PDPR: variants seen among roughly 807,000 people sequenced by gnomAD.
PDPR encodes the protein pyruvate dehydrogenase phosphatase regulatory subunit.
In PDPR, 50 loss-of-function variants were observed where a neutral mutation model predicts 102.2. The observed-to-expected ratio is 0.49, with a 90% CI of 0.39 to 0.62. The LOEUF (loss-of-function observed/expected upper bound fraction) is 0.62, where lower values mean the gene tolerates loss of function less well. PDPR is among the 20% of genes least tolerant of loss of function. PDPR has a pLI of 0.00. For missense variants in PDPR, 625 were observed against 1,098.2 expected (o/e 0.57, Z 6.09); for synonymous variants, 259 against 406.0 (o/e 0.64, Z 4.35).
Position 70,120,456 on chromosome 16 carries a change from T to C in PDPR, c.-32-5T>C. The C allele has an allele frequency of 6.6e-7, 1 of 1,517,458 alleles. No homozygotes were observed. Among genetic ancestry groups the C allele is most frequent in the Non-Finnish European group, 9.1e-7 (1 of 1,095,320 alleles). 94.0% of individuals were successfully genotyped at this position (1,517,458 alleles called of 1,614,324 possible). On this transcript the variant is annotated splice_region_variant and splice_polypyrimidine_tract_variant and intron_variant, in intron 2 of 18. Coordinates refer to ENST00000288050, the MANE Select transcript of PDPR (RefSeq NM_017990.5). ...GCATGAAATATGTTTGGTTTCTCTG[T>C]CTAGTTTGAGTTCCTGAGATCTAGT...
rs1340326522 is a variant in PDPR, at chr16:70,131,770, C to T, written c.847+351C>T. ...ATAGACTTAGGTGGGTTCGTGGTTC[C>T]AAGCACTGTAGGAGAGGGTTCTCAC... On this transcript the variant is annotated intron_variant, in intron 8 of 18. Coordinates refer to ENST00000288050, the MANE Select transcript of PDPR (RefSeq NM_017990.5). 1.3e-5 allele frequency: 13 copies of T among 985,310 alleles called. No individual in the cohort carries two copies. The South Asian group carries it at 5.6e-4, about 43-fold the overall frequency. The allele number at this position is 985,310 out of a possible 1,614,324, so 61.0% of individuals were successfully genotyped here.
Position 70,156,692 on chromosome 16 carries a change from A to G in PDPR, c.2453A>G (p.His818Arg). 8.1e-6 allele frequency: 13 copies of G among 1,614,102 alleles called. No homozygotes were observed. The highest frequency in any genetic ancestry group is 9.3e-6 in the Non-Finnish European group (11 of 1,179,910). The part of the protein sequence containing the change: ...LERHVCLGFV[H>R]NFSEDTGEEQ... ...CGCCACGTTTGCCTGGGCTTTGTGC[A>G]CAATTTTTCTGAGGACACGGGGGAA... Residue 818 changes from histidine to arginine, a missense_variant, in exon 19 of 19, where the codon CAC becomes CGC. This residue lies in a region of PDPR where 303 missense variants were observed against 258.9 expected (regional missense o/e 1.17). Coordinates refer to ENST00000288050, the MANE Select transcript of PDPR (RefSeq NM_017990.5).
At position 70,157,101 on chromosome 16, in the gene PDPR, T is replaced by G; in HGVS notation, c.*222T>G. On this transcript the variant is annotated 3_prime_UTR_variant, in exon 19 of 19. Coordinates refer to ENST00000288050, the MANE Select transcript of PDPR (RefSeq NM_017990.5). ...TCCTAATATTCACTCTGGGCTCTTC[T>G]TCCCTTCCCACCCCTCACTCAGCTT... 4 of 727,834 alleles carry G rather than the reference T, an allele frequency of 5.5e-6. No homozygotes were observed. The highest frequency in any genetic ancestry group is 9.6e-6 in the Non-Finnish European group (4 of 414,960). The allele number at this position is 727,834 out of a possible 1,614,324, so 45.1% of individuals were successfully genotyped here. A position where few individuals can be genotyped will look rare whatever the true frequency, so the allele number is the denominator to read the frequency against.
intron 15 of PDPR, among the ~76,000 whole-genome samples, chr16:70,145,494 G>C (rs988654959): frequency 6.6e-6 from 1 of 152,240 alleles, no homozygotes; most frequent in Non-Finnish European, 1.5e-5. Flanking sequence ...ACTCTCAGCA[G>C]TCTCGGCTTA....
intron 17 of PDPR, among the ~76,000 whole-genome samples, chr16:70,148,946 G>A (rs1327222929): frequency 6.6e-6 from 1 of 151,520 alleles, no homozygotes; most frequent in Non-Finnish European, 1.5e-5. Flanking sequence ...CCAGGGTGGA[G>A]TGCAATGGCA....
chr16:70,121,473 C>T (rs1238624928), intron 3 of PDPR, among the ~76,000 whole-genome samples: 2 of 151,574 alleles, frequency 1.3e-5, no homozygotes, highest in South Asian at 2.1e-4. Context: ...GGGCAGATCA[C>T]CTCAGGTCAG....
At chr16:70,122,105 G>A (rs561319662) in intron 3 of PDPR, among the ~76,000 whole-genome samples, 1,027 of 151,856 alleles carry the variant, frequency 6.8e-3, no homozygotes, top group African/African-American at 0.023. Flanking sequence ...TCCTGCCTCA[G>A]CCTCCCGAGT....
chr16:70,116,142 AAT>A (rs1461590182), intron 2 of PDPR, among the ~76,000 whole-genome samples: 1 of 146,506 alleles, frequency 6.8e-6, no homozygotes, highest in Non-Finnish European at 1.5e-5. Flanking sequence ...CAGTGGCGCG[AAT>A]CTGCCCACTG....
intron 1 of PDPR, 70 bp downstream of exon 1, chr16:70,114,510 G>A (rs1962427632): frequency 1.3e-5 from 2 of 152,158 alleles, no homozygotes; most frequent in Admixed American, 6.5e-5. Flanking sequence ...GGGACCCCTG[G>A]GTTCCCCTCT....
intron 17 of PDPR, among the ~76,000 whole-genome samples, chr16:70,152,392 A>G (rs1380970665): frequency 6.6e-6 from 1 of 152,266 alleles, no homozygotes; most frequent in Non-Finnish European, 1.5e-5. Flanking sequence ...GGCGGCAGCC[A>G]CCTATAGTAC....
intron 3 of PDPR, among the ~76,000 whole-genome samples, chr16:70,123,806 A>G (rs1158390830): frequency 6.6e-6 from 1 of 152,288 alleles, no homozygotes; most frequent in Non-Finnish European, 1.5e-5. Context: ...TAATCCCAGG[A>G]CTTTGGGAGG....
chr16:70,162,655 A>C (rs1967899320), downstream of PDPR: 3 of 152,854 alleles, frequency 2.0e-5, no homozygotes, highest in African/African-American at 7.2e-5. Context: ...GTGAGGGAGG[A>C]TTTGGGGACG....
In PDPR at chr16:70,150,188, CT is replaced by C. The variant is rs767831075; in HGVS notation, c.2052+1636del. ...ACATGATCTAGGCTCACCGCAACCT[CT>C]GCCTCCCGGGTTCAAGTGATTCTCC... On this transcript the variant is annotated intron_variant, in intron 17 of 18. Coordinates refer to ENST00000288050, the MANE Select transcript of PDPR (RefSeq NM_017990.5). 7.3e-5 allele frequency among the ~76,000 whole-genome samples: 11 copies of C among 150,228 alleles called. No individual in the cohort carries two copies. The East Asian group carries it at 1.8e-3, about 25-fold the overall frequency.
chr16:70,137,792 A>G (rs1201565424), intron 10 of PDPR, among the ~76,000 whole-genome samples: 1 of 152,276 alleles, frequency 6.6e-6, no homozygotes, highest in African/African-American at 2.4e-5. Context: ...GTAACTGTAT[A>G]ATCTTTAGGT....
At position 70,157,894 on chromosome 16, in the gene PDPR, G is replaced by T; in HGVS notation, c.*1015G>T. 6.5e-6 allele frequency: 1 copy of T among 154,554 alleles called. No homozygotes were observed. Among genetic ancestry groups the T allele is most frequent in the Non-Finnish European group, 1.4e-5 (1 of 69,434 alleles). 9.6% of individuals were successfully genotyped at this position (154,554 alleles called of 1,614,324 possible). Reference sequence around the variant, plus strand: ...TGTTTCTCTCCCTTTAGAATAGGGAGGGGAAGGGATCAGGTGTGTTGTCCT... The same window carrying T: ...TGTTTCTCTCCCTTTAGAATAGGGATGGGAAGGGATCAGGTGTGTTGTCCT... On this transcript the variant is annotated 3_prime_UTR_variant, in exon 19 of 19. Coordinates refer to ENST00000288050, the MANE Select transcript of PDPR (RefSeq NM_017990.5).
intron 10 of PDPR, among the ~76,000 whole-genome samples, chr16:70,137,635 C>G (rs1252025424): frequency 1.3e-5 from 2 of 152,268 alleles, no homozygotes. Flanking sequence ...GAACTGAATA[C>G]TTACAAATGG....
intron 3 of PDPR, among the ~76,000 whole-genome samples, chr16:70,124,091 A>G (rs534806830): frequency 6.7e-6 from 1 of 148,424 alleles, no homozygotes; most frequent in Non-Finnish European, 1.5e-5. Flanking sequence ...GGCCAAGTGC[A>G]GTGGCTCATG....
At chr16:70,135,620 TGTAGATAC>T (rs1174440681) in intron 9 of PDPR, among the ~76,000 whole-genome samples, 1 of 152,292 alleles carries the variant, frequency 6.6e-6, no homozygotes, top group African/African-American at 2.4e-5. Context: ...GATTATTATC[TGTAGATAC>T]GTTTTACTTG....
chr16:70,150,154 A>C (rs1966606657), intron 17 of PDPR, among the ~76,000 whole-genome samples: 1 of 127,610 alleles, frequency 7.8e-6, no homozygotes. Flanking sequence ...CCCAGGCTGG[A>C]GTGCGATGAC....
Sources: gnomAD v4.1 joint callset for allele counts (sites outside exome capture counted in the v4.1 genomes callset) on GRCh38, gnomAD v4.1.1 for gene constraint, gnomAD v4.1.1 regional missense constraint, MANE v1.5 for transcripts, NCBI Gene and HGNC (gene_info 2026-07-23, HGNC 2026-07-21) for gene names.